The following TRIO variants were observed in gnomAD, a reference collection of about 807,000 sequenced individuals.
TRIO encodes the protein trio Rho guanine nucleotide exchange factor.
TRIO carries 58 observed loss-of-function variants against 351.9 expected under a neutral mutation model. The ratio of observed to expected loss-of-function variants is 0.16; its 90% CI spans 0.13 to 0.21. TRIO has a LOEUF of 0.21. Ranked by LOEUF, TRIO falls within the 10% of genes least tolerant of loss-of-function variation. The probability of loss-of-function intolerance (pLI) is 1.00; values close to 1 mark genes in which losing one functional copy is unlikely to be tolerated. For synonymous variants in TRIO, 1,758 were observed against 1,595.7 expected (o/e 1.10, Z -2.42); for missense variants, 3,201 against 4,027.8 (o/e 0.79, Z 5.56).
chr5:14,461,057 G>A lies in TRIO; in HGVS notation c.5242G>A (p.Ala1748Thr). ...SVSSNDASPP[A>T]SVASLQPHMI... ...CTCCAGCAATGACGCCAGTCCACCCGCATCCGTGGCTTCCCTCCAGCCCCA... is the reference window on the plus strand; with the variant it reads ...CTCCAGCAATGACGCCAGTCCACCCACATCCGTGGCTTCCCTCCAGCCCCA... The change falls in exon 35 of 57, where the codon GCA becomes ACA. Residue 1748 changes from alanine to threonine, a missense_variant. Coordinates refer to ENST00000344204, the MANE Select transcript of TRIO (RefSeq NM_007118.4). The A allele has an allele frequency of 6.3e-7, 1 of 1,581,244 alleles. No homozygotes were observed.
At chr5:14,357,210 A>G (rs1046151925) in intron 11 of TRIO, among the ~76,000 whole-genome samples, 1 of 152,256 alleles carries the variant, frequency 6.6e-6, no homozygotes, top group African/African-American at 2.4e-5. Flanking sequence ...CAGGCGTTGC[A>G]CAGGGTATCA....
At chr5:14,367,203 C>T (rs1294206913) in intron 16 of TRIO, among the ~76,000 whole-genome samples, 3 of 152,090 alleles carry the variant, frequency 2.0e-5, no homozygotes, top group Non-Finnish European at 4.4e-5. Flanking sequence ...AGCCAGGCAG[C>T]CTCACTGCAA....
chr5:14,387,164 T>A (rs1746617842), intron 21 of TRIO, among the ~76,000 whole-genome samples: 1 of 152,262 alleles, frequency 6.6e-6, no homozygotes, highest in African/African-American at 2.4e-5. Flanking sequence ...ACATTTTTAC[T>A]AAGCACCTCC....
chr5:14,502,025 TAATAA>T (rs1396368614), intron 53 of TRIO, among the ~76,000 whole-genome samples: 2 of 152,230 alleles, frequency 1.3e-5, no homozygotes, highest in African/African-American at 4.8e-5. Flanking sequence ...GGCACTTTTA[TAATAA>T]AATCCTCTTT....
chr5:14,332,223 G>A (rs944963891), intron 10 of TRIO, among the ~76,000 whole-genome samples: 1 of 152,302 alleles, frequency 6.6e-6, no homozygotes, highest in Non-Finnish European at 1.5e-5. Flanking sequence ...CTGTCACAAA[G>A]TTATTATCCA....
At chr5:14,369,617 C>A in intron 18 of TRIO, 94 bp downstream of exon 18, 1 of 1,437,224 alleles carries the variant, frequency 7.0e-7, no homozygotes, top group Non-Finnish European at 9.2e-7. Flanking sequence ...GGAGCCTGCC[C>A]CACACCTCTT....
At position 14,334,376 on chromosome 5, in the gene TRIO, A is replaced by G. The variant is rs527497547; in HGVS notation, c.1855-2160A>G. On this transcript the variant is annotated intron_variant, in intron 10 of 56. Transcript: ENST00000344204. ...TGCTGTCTCATGTTCTTCAAGCACA[A>G]GATTAAAAGGGAAATAAATGATGGC... is the stretch of plus-strand genomic sequence containing the variant. Among the ~76,000 whole-genome samples, 17 of 152,326 alleles carry G rather than the reference A, an allele frequency of 1.1e-4. 1 individual carries two copies. The highest frequency in any genetic ancestry group is 6.5e-4 in the Admixed American group (10 of 15,304).
chr5:14,465,509 T>TGG, intron 36 of TRIO, 36 bp from the exon 37 acceptor site: 2 of 1,606,508 alleles, frequency 1.2e-6, no homozygotes, highest in Non-Finnish European at 1.7e-6. Flanking sequence ...TGTGAGCCCT[T>TGG]GCCCCACCCC....
At chr5:14,504,277 A>G (rs1757502756) in intron 54 of TRIO, 116 bp from the exon 55 acceptor site, 3 of 1,133,266 alleles carry the variant, frequency 2.6e-6, no homozygotes, top group East Asian at 4.9e-5. Context: ...CCGGGAGAGC[A>G]GGGCCTCTGG....
At chr5:14,363,433 G>C (rs1744327274) in intron 13 of TRIO, among the ~76,000 whole-genome samples, 1 of 152,130 alleles carries the variant, frequency 6.6e-6, no homozygotes, top group African/African-American at 2.4e-5. Flanking sequence ...ATTTTACACA[G>C]TTTTGGTAAT....
rs750767468 is a variant in TRIO at position 14,462,984 on chromosome 5, G to A, written c.5667+59G>A. ...TGCCGTGCAGGGGCAGGGCACGCTC[G>A]GTAGCTGCTTCACACCAGCCTCATT... On this transcript the variant is annotated intron_variant, in intron 36 of 56. Transcript: ENST00000344204. 2.4e-5 allele frequency: 36 copies of A among 1,486,988 alleles called. No individual in the cohort carries two copies. The Admixed American group carries it at 3.3e-4, about 13-fold the overall frequency. The allele number at this position is 1,486,988 out of a possible 1,614,324, so 92.1% of individuals were successfully genotyped here. A position where few individuals can be genotyped will look rare whatever the true frequency, so the allele number is the denominator to read the frequency against.
rs772235342 is a variant in TRIO at position 14,488,050 on chromosome 5, C to T, written c.7422C>T (p.Pro2474=). The part of the protein sequence containing the change: ...AVPSLGKEPF[P]PSSPLQKGGS... ...CTTCTCTCGGCAAGGAGCCCTTCCC[C>T]CCCAGCAGCCCCCTGCAGAAGGGGG... The change falls in exon 48 of 57, where the codon CCC becomes CCT. Residue 2474 remains proline, a synonymous_variant. Coordinates refer to ENST00000344204, the MANE Select transcript of TRIO (RefSeq NM_007118.4). 3.0e-5 allele frequency: 48 copies of T among 1,608,964 alleles called. No homozygotes were observed. Among genetic ancestry groups the T allele is most frequent in the Non-Finnish European group, 3.6e-5 (43 of 1,178,702 alleles).
chr5:14,301,489 T>C (rs1266967123), intron 7 of TRIO, among the ~76,000 whole-genome samples: 1 of 152,184 alleles, frequency 6.6e-6, no homozygotes, highest in African/African-American at 2.4e-5. Flanking sequence ...AGCCACCTTC[T>C]GTCCTCATCT....
At chr5:14,173,871 C>T (rs990442498) in intron 1 of TRIO, among the ~76,000 whole-genome samples, 1 of 152,206 alleles carries the variant, frequency 6.6e-6, no homozygotes, top group Non-Finnish European at 1.5e-5. Context: ...GACTGTTACT[C>T]TCCTGTAGTA....
chr5:14,214,553 C>A (rs902634303), intron 1 of TRIO, among the ~76,000 whole-genome samples: 1 of 152,178 alleles, frequency 6.6e-6, no homozygotes. Context: ...GGAAAAAAAT[C>A]TGTTATTTAA....
chr5:14,504,805 A>G, intron 55 of TRIO: 1 of 611,440 alleles, frequency 1.6e-6, no homozygotes, highest in East Asian at 2.9e-5. Context: ...TGCCTGATGA[A>G]GGGCAGTCAC....
At chr5:14,170,530 G>T (rs1324755412) in intron 1 of TRIO, among the ~76,000 whole-genome samples, 2 of 130,108 alleles carry the variant, frequency 1.5e-5, no homozygotes, top group East Asian at 2.2e-4. Flanking sequence ...TTTTTTTGGA[G>T]AAGTCTTGCT....
chr5:14,361,717 T>C (rs1415149462), intron 13 of TRIO, among the ~76,000 whole-genome samples: 1 of 152,224 alleles, frequency 6.6e-6, no homozygotes, highest in African/African-American at 2.4e-5. Context: ...AGTCCTCCTG[T>C]GGAGAAGGTG....
At chr5:14,229,467 C>T (rs548323048) in intron 1 of TRIO, among the ~76,000 whole-genome samples, 5 of 152,322 alleles carry the variant, frequency 3.3e-5, no homozygotes, top group Middle Eastern at 3.4e-3. Flanking sequence ...TTCTGTACTA[C>T]TAGTCAGTGA....
Sources: allele counts gnomAD v4.1 joint callset (sites outside exome capture counted in the v4.1 genomes callset), GRCh38; gene constraint gnomAD v4.1.1; transcripts MANE v1.5; gene names NCBI Gene and HGNC (gene_info 2026-07-23, HGNC 2026-07-21).